LUZP2: variants seen among roughly 807,000 people sequenced by gnomAD.
The protein encoded by LUZP2 is leucine zipper protein 2.
Under a neutral mutation model 51.6 loss-of-function variants are expected in LUZP2, and 52 were observed. The observed-to-expected ratio is 1.01, with a 90% CI of 0.81 to 1.27. The LOEUF is 1.27. Among genes scored for constraint, LUZP2 ranks in the 50% most tolerant of loss-of-function variants. The probability of loss-of-function intolerance (pLI) is 0.00; values close to 1 mark genes in which losing one functional copy is unlikely to be tolerated. For missense variants in LUZP2, 436 were observed against 395.4 expected (o/e 1.10, Z -0.87); for synonymous variants, 154 against 137.3 (o/e 1.12, Z -0.85).
intron 5 of LUZP2, among the ~76,000 whole-genome samples, chr11:24,889,766 T>A (rs1386234): frequency 6.6e-6 from 1 of 151,988 alleles, no homozygotes; most frequent in Non-Finnish European, 1.5e-5. Flanking sequence ...GCAATGACAT[T>A]TAGCTTTACG....
intron 9 of LUZP2, among the ~76,000 whole-genome samples, chr11:25,031,552 T>C (rs1857686810): frequency 6.6e-6 from 1 of 152,176 alleles, no homozygotes. Flanking sequence ...TTATATTGTT[T>C]TCAAATTGTT....
chr11:24,814,458 G>T (rs1288344579), intron 5 of LUZP2, among the ~76,000 whole-genome samples: 3 of 152,164 alleles, frequency 2.0e-5, no homozygotes, highest in Non-Finnish European at 4.4e-5. Context: ...CTTTATGAAA[G>T]AGTCTTCCTT....
At chr11:25,001,161 A>G (rs1168888581) in intron 9 of LUZP2, among the ~76,000 whole-genome samples, 1 of 152,160 alleles carries the variant, frequency 6.6e-6, no homozygotes, top group South Asian at 2.1e-4. Context: ...TGGGATTTCA[A>G]TTATTCTTTG....
At chr11:24,962,527 A>G (rs1044164459) in intron 7 of LUZP2, among the ~76,000 whole-genome samples, 21 of 151,978 alleles carry the variant, frequency 1.4e-4, no homozygotes, top group Middle Eastern at 3.4e-3. Context: ...ATCTTCCATC[A>G]CTGATACCCT....
chr11:24,986,626 A>AT (rs1172466548), intron 9 of LUZP2, among the ~76,000 whole-genome samples: 1 of 151,296 alleles, frequency 6.6e-6, no homozygotes, highest in East Asian at 1.9e-4. Context: ...AGTGACTAAC[A>AT]TTTTTTCTAC....
intron 5 of LUZP2, among the ~76,000 whole-genome samples, chr11:24,904,127 A>C (rs1365203346): frequency 2.6e-5 from 4 of 152,190 alleles, no homozygotes; most frequent in African/African-American, 2.4e-5. Flanking sequence ...CCACATCCTC[A>C]TCAGTACTTG....
chr11:24,684,863 G>A (rs1182199716), intron 1 of LUZP2, among the ~76,000 whole-genome samples: 2 of 152,152 alleles, frequency 1.3e-5, no homozygotes, highest in East Asian at 3.9e-4. Context: ...CTGTATCAGG[G>A]CTAACATAAA....
At chr11:25,026,390 T>C (rs1332539809) in intron 9 of LUZP2, among the ~76,000 whole-genome samples, 2 of 152,122 alleles carry the variant, frequency 1.3e-5, no homozygotes, top group Non-Finnish European at 2.9e-5. Context: ...TGCTTAACAT[T>C]TGGTATTTAC....
chr11:25,023,887 A>G (rs188320188), intron 9 of LUZP2, among the ~76,000 whole-genome samples: 40 of 152,178 alleles, frequency 2.6e-4, no homozygotes, highest in African/African-American at 9.6e-4. Context: ...TCATTTCGTT[A>G]TGTACCCATT....
chr11:24,535,904 G>GT (rs960753347), intron 1 of LUZP2, among the ~76,000 whole-genome samples: 103 of 151,484 alleles, frequency 6.8e-4, no homozygotes, highest in Admixed American at 4.2e-3. Flanking sequence ...CTTATAAAAT[G>GT]TTTTTTTTAA....
intron 7 of LUZP2, among the ~76,000 whole-genome samples, chr11:24,926,667 ATGTG>A (rs34450333): frequency 5.7e-4 from 84 of 146,200 alleles, no homozygotes; most frequent in African/African-American, 2.0e-3. Flanking sequence ...GTATATATAT[ATGTG>A]TGTGTGTGTG....
At chr11:24,690,467 G>A (rs1162548562) in intron 1 of LUZP2, among the ~76,000 whole-genome samples, 5 of 152,126 alleles carry the variant, frequency 3.3e-5, no homozygotes, top group Admixed American at 3.3e-4. Context: ...GTCCTGAGAA[G>A]TATCCTATCA....
intron 3 of LUZP2, among the ~76,000 whole-genome samples, chr11:24,736,557 T>A (rs1204887355): frequency 6.6e-6 from 1 of 151,626 alleles, no homozygotes; most frequent in Admixed American, 6.6e-5. Flanking sequence ...CTTTATAGTT[T>A]GAGCATATAG....
intron 5 of LUZP2, among the ~76,000 whole-genome samples, chr11:24,899,648 C>A (rs770080868): frequency 6.6e-6 from 1 of 151,964 alleles, no homozygotes; most frequent in Non-Finnish European, 1.5e-5. Context: ...AAGGCTTTAG[C>A]GTGTCTCACA....
chr11:24,826,209 A>ATATATAT (rs1564948185), intron 5 of LUZP2, among the ~76,000 whole-genome samples: 3 of 141,836 alleles, frequency 2.1e-5, no homozygotes, highest in Admixed American at 7.1e-5. Context: ...ATATATATAT[A>ATATATAT]GTAAAAGTTA....
chr11:24,745,929 C>T (rs745574436), intron 4 of LUZP2, among the ~76,000 whole-genome samples: 5 of 152,198 alleles, frequency 3.3e-5, no homozygotes, highest in East Asian at 1.9e-4. Context: ...CCACCAGCCT[C>T]GGCTTCCCAA....
Position 24,781,923 on chromosome 11 carries a change from G to T in LUZP2, c.396+18615G>T, listed in dbSNP as rs145743029. Reference sequence around the variant, plus strand: ...TATTCTGATGAAGGATGGGGCCTGAGAGTCTAACAAGTTCCCAAGTGATGC... The same window carrying T: ...TATTCTGATGAAGGATGGGGCCTGATAGTCTAACAAGTTCCCAAGTGATGC... On this transcript the variant is annotated intron_variant, in intron 5 of 11. Transcript: ENST00000336930. Among the ~76,000 whole-genome samples, 971 of 152,124 alleles carry T rather than the reference G, an allele frequency of 6.4e-3. 12 individuals are homozygous for T. The highest frequency in any genetic ancestry group is 0.021 in the African/African-American group (878 of 41,530).
At chr11:24,911,130 G>A (rs1812441431) in intron 6 of LUZP2, among the ~76,000 whole-genome samples, 1 of 152,160 alleles carries the variant, frequency 6.6e-6, no homozygotes, top group Non-Finnish European at 1.5e-5. Context: ...TTTGGAATGG[G>A]TATATTTACC....
At chr11:24,575,558 A>G (rs1487331660) in intron 1 of LUZP2, among the ~76,000 whole-genome samples, 1 of 152,200 alleles carries the variant, frequency 6.6e-6, no homozygotes, top group Admixed American at 6.6e-5. Flanking sequence ...TCTGCCAAAT[A>G]TTAGCAATTG....
Sources: allele counts gnomAD v4.1 joint callset (sites outside exome capture counted in the v4.1 genomes callset), GRCh38; gene constraint gnomAD v4.1.1; transcripts MANE v1.5; gene names NCBI Gene and HGNC (gene_info 2026-07-23, HGNC 2026-07-21).